The following ADAM32 variants were observed in gnomAD, a reference collection of about 807,000 sequenced individuals.
ADAM32 encodes disintegrin and metalloproteinase domain-containing protein 32.
A neutral mutation model predicts 114.9 loss-of-function variants in ADAM32; 89 were observed. That is an observed-to-expected ratio of 0.77 (90% CI 0.65 to 0.92). The LOEUF is 0.92. ADAM32 is among the 40% of genes least tolerant of loss of function. The pLI is 0.00. For synonymous variants in ADAM32, 285 were observed against 307.5 expected, an observed-to-expected ratio of 0.93 and a Z score of 0.77; for missense variants, 870 against 932.8, an observed-to-expected ratio of 0.93 and a Z score of 0.88.
intron 10 of ADAM32, among the ~76,000 whole-genome samples, chr8:39,174,540 G>A (rs1805393715): frequency 6.6e-6 from 1 of 151,080 alleles, no homozygotes; most frequent in Non-Finnish European, 1.5e-5. Flanking sequence ...TTAAGTTTTA[G>A]GGTACATGTG....
intron 6 of ADAM32, among the ~76,000 whole-genome samples, chr8:39,154,579 G>C (rs771106928): frequency 1.4e-4 from 21 of 152,098 alleles, no homozygotes; most frequent in Non-Finnish European, 2.4e-4. Context: ...TGGGTCAAAT[G>C]GTATTTTTGG....
chr8:39,203,735 T>C (rs954317775), intron 11 of ADAM32, among the ~76,000 whole-genome samples: 1 of 152,246 alleles, frequency 6.6e-6, no homozygotes, highest in African/African-American at 2.4e-5. Context: ...ATTGATGGTC[T>C]TTACAATTTG....
chr8:39,189,112 A>C (rs1196145514), intron 11 of ADAM32, among the ~76,000 whole-genome samples: 1 of 152,156 alleles, frequency 6.6e-6, no homozygotes, highest in Non-Finnish European at 1.5e-5. Flanking sequence ...TGAATTAGAC[A>C]CTTCACTTAT....
chr8:39,194,464 C>T (rs916377588), intron 11 of ADAM32, among the ~76,000 whole-genome samples: 1 of 152,130 alleles, frequency 6.6e-6, no homozygotes, highest in African/African-American at 2.4e-5. Flanking sequence ...CACAGACACA[C>T]ACACCAGCAA....
At chr8:39,264,848 T>C (rs1585679268) in intron 19 of ADAM32, among the ~76,000 whole-genome samples, 1 of 152,278 alleles carries the variant, frequency 6.6e-6, no homozygotes, top group Middle Eastern at 3.4e-3. Context: ...TTCTACGTGA[T>C]TGTATGGTTT....
chr8:39,129,293 G>A (rs1055055080), intron 2 of ADAM32, among the ~76,000 whole-genome samples: 7 of 151,812 alleles, frequency 4.6e-5, no homozygotes, highest in African/African-American at 1.7e-4. Flanking sequence ...TTCTATCTTG[G>A]GAGAAAGTAC....
At chr8:39,263,762 A>T (rs1002649418) in intron 19 of ADAM32, among the ~76,000 whole-genome samples, 1 of 152,186 alleles carries the variant, frequency 6.6e-6, no homozygotes, top group African/African-American at 2.4e-5. Flanking sequence ...AGTTTTGCCC[A>T]TCAGAACTTT....
chr8:39,211,848 A>G (rs1053046332), intron 12 of ADAM32, among the ~76,000 whole-genome samples: 8 of 152,300 alleles, frequency 5.3e-5, no homozygotes, highest in African/African-American at 1.9e-4. Context: ...AGTACTGCAA[A>G]TGTTATAAAT....
At chr8:39,207,029 C>T (rs559178371) in intron 11 of ADAM32, among the ~76,000 whole-genome samples, 262 of 152,058 alleles carry the variant, frequency 1.7e-3, no homozygotes, top group African/African-American at 5.7e-3. Flanking sequence ...TGGACTGAGG[C>T]ACTGTCCCAC....
At chr8:39,186,223 T>G (rs1806230268) in intron 10 of ADAM32, among the ~76,000 whole-genome samples, 1 of 152,268 alleles carries the variant, frequency 6.6e-6, no homozygotes, top group South Asian at 2.1e-4. Context: ...ATTGTCACCA[T>G]AGCAATTAAA....
At chr8:39,187,150 C>A (rs924158142) in intron 11 of ADAM32, 105 bp downstream of exon 11, 4 of 952,242 alleles carry the variant, frequency 4.2e-6, no homozygotes, top group East Asian at 2.7e-5. Context: ...ATCAATGGAC[C>A]AAATTCACCA....
chr8:39,247,462 A>G (rs1811003918), intron 17 of ADAM32, among the ~76,000 whole-genome samples: 1 of 152,008 alleles, frequency 6.6e-6, no homozygotes, highest in Non-Finnish European at 1.5e-5. Context: ...TATGTGAGGC[A>G]TATTTCATAT....
intron 7 of ADAM32, among the ~76,000 whole-genome samples, chr8:39,161,604 A>G (rs1804511792): frequency 6.6e-6 from 1 of 152,198 alleles, no homozygotes; most frequent in African/African-American, 2.4e-5. Context: ...GAGATTAAAA[A>G]TATACTTTCT....
At chr8:39,123,558 G>T (rs1317182223) in intron 2 of ADAM32, among the ~76,000 whole-genome samples, 10 of 152,016 alleles carry the variant, frequency 6.6e-5, no homozygotes, top group African/African-American at 2.4e-4. Flanking sequence ...CTTGGATTTT[G>T]ATAGAGATTA....
At chr8:39,186,410 T>C in intron 10 of ADAM32, among the ~76,000 whole-genome samples, 1 of 152,184 alleles carries the variant, frequency 6.6e-6, no homozygotes, top group East Asian at 1.9e-4. Context: ...AAGGATCTGT[T>C]TTCTGTGGCT....
At chr8:39,274,584 C>T (rs1301881187) in intron 21 of ADAM32, among the ~76,000 whole-genome samples, 1 of 152,044 alleles carries the variant, frequency 6.6e-6, no homozygotes, top group Non-Finnish European at 1.5e-5. Flanking sequence ...ATAGCTGATT[C>T]TAAAATGAGA....
At chr8:39,253,386 T>G (rs1358877102) in intron 17 of ADAM32, among the ~76,000 whole-genome samples, 1 of 151,684 alleles carries the variant, frequency 6.6e-6, no homozygotes, top group East Asian at 1.9e-4. Context: ...ACTCAGTCTC[T>G]GCACTTCTCT....
chr8:39,164,977 T>G, intron 8 of ADAM32, 53 bp from the exon 9 acceptor site: 2 of 1,535,358 alleles, frequency 1.3e-6, no homozygotes, highest in Non-Finnish European at 1.8e-6. Context: ...TCTGGGTTTT[T>G]ATAAGATAAC....
At chr8:39,169,343 A>G (rs1470602047) in intron 9 of ADAM32, 2 of 152,294 alleles carry the variant, frequency 1.3e-5, no homozygotes, top group African/African-American at 4.8e-5. Flanking sequence ...CGCATCTGAT[A>G]CTTGATTTGC....
Sources: gnomAD v4.1 joint callset for allele counts (sites outside exome capture counted in the v4.1 genomes callset) on GRCh38, gnomAD v4.1.1 for gene constraint, MANE v1.5 for transcripts, NCBI Gene and HGNC (gene_info 2026-07-23, HGNC 2026-07-21) for gene names.